Variants in ERCC4 observed in about 807,000 individuals in gnomAD.
The protein encoded by ERCC4 is ERCC excision repair 4, endonuclease catalytic subunit.
A neutral mutation model predicts 76.9 loss-of-function variants in ERCC4; 65 were observed. The ratio of observed to expected loss-of-function variants is 0.84; its 90% CI spans 0.69 to 1.04. The LOEUF (loss-of-function observed/expected upper bound fraction) is 1.04. Ranked by LOEUF, ERCC4 falls within the 50% of genes least tolerant of loss-of-function variation. The probability of loss-of-function intolerance (pLI) is 0.00; values close to 1 mark genes in which losing one functional copy is unlikely to be tolerated. For synonymous variants in ERCC4, 463 were observed against 410.1 expected (o/e 1.13, Z -1.56); for missense variants, 1,214 against 1,128.2 (o/e 1.08, Z -1.09).
intron 4 of ERCC4, among the ~76,000 whole-genome samples, chr16:13,929,826 G>C (rs568425945): frequency 6.6e-6 from 1 of 152,258 alleles, no homozygotes; most frequent in Admixed American, 6.5e-5. Flanking sequence ...TGAGCTGGGC[G>C]TGGTGGCAAC....
In ERCC4 at chr16:13,935,515, A is replaced by G; in HGVS notation, c.1583A>G (p.Glu528Gly). The G allele has an allele frequency of 1.2e-6, 2 of 1,614,204 alleles. No homozygotes were observed. The highest frequency in any genetic ancestry group is 1.7e-6 in the Non-Finnish European group (2 of 1,180,024). ...AGTAGCCCAGAAAGCTGCCCGGAAG[A>G]AATTAAGCATGAAGAATTTGATGTA... ...ISSSPESCPE[E>G]IKHEEFDVNL... The change falls in exon 8 of 11, where the codon GAA (glutamate) becomes GGA (glycine). Residue 528 changes from glutamate to glycine, a missense_variant. Physicochemically the swap from Glu to Gly is moderately conservative, Grantham distance 98. Coordinates refer to ENST00000311895, the MANE Select transcript of ERCC4 (RefSeq NM_005236.3).
At chr16:13,926,892 T>G (rs1480253894) in intron 3 of ERCC4, 136 bp downstream of exon 3, 4 of 721,162 alleles carry the variant, frequency 5.5e-6, no homozygotes, top group Non-Finnish European at 9.5e-6. Context: ...ACCTAGTCAG[T>G]TTTATAACAA....
At position 13,944,482 on chromosome 16, in the gene ERCC4, T is replaced by C. The variant is rs3136205; in HGVS notation, c.1905-241T>C. On this transcript the variant is annotated intron_variant, in intron 9 of 10. Transcript: ENST00000311895. Reference sequence around the variant, plus strand: ...ATAAAGTCAAAATAAACAACTGCTTTTTTTACTCTGGAAAATCAAGAAGTA... The same window carrying C: ...ATAAAGTCAAAATAAACAACTGCTTCTTTTACTCTGGAAAATCAAGAAGTA... Among the ~76,000 whole-genome samples the C allele has an allele frequency of 0.037, 5,541 of 151,418 alleles. 332 individuals are homozygous for C. Among genetic ancestry groups the C allele is most frequent in the African/African-American group, 0.13 (5,165 of 40,680 alleles).
chr16:13,948,028 A>C lies in ERCC4; in HGVS notation c.2432A>C (p.Glu811Ala), dbSNP rs1394330909. ...TGCCCCTCTCCTCATGCAACGGCGG[A>C]GTTGTTTGAGGAGCTGAAACAAAGC... ...LWCPSPHATA[E>A]LFEELKQSKP... The change falls in exon 11 of 11, where the codon GAG (glutamate) becomes GCG (alanine). Residue 811 changes from glutamate to alanine, a missense_variant. Coordinates refer to ENST00000311895, the MANE Select transcript of ERCC4 (RefSeq NM_005236.3). The C allele has an allele frequency of 1.2e-6, 2 of 1,614,104 alleles. No homozygotes were observed. The highest frequency in any genetic ancestry group is 4.5e-5 in the East Asian group (2 of 44,876).
Position 13,930,841 on chromosome 16 carries a change from T to A in ERCC4, c.924T>A (p.Asn308Lys). ...LSQYDCVTFL[N>K]LLESLRATEK... The stretch of plus-strand genomic sequence containing the variant: ...AGTATGATTGTGTCACATTTCTTAA[T>A]CTTCTGGAATCTCTGAGAGCAACGG... Residue 308 changes from asparagine (N) to lysine (K), a missense_variant, in exon 5 of 11, where the codon AAT becomes AAA. Asn to Lys is a moderately conservative substitution (Grantham distance 94). Coordinates refer to ENST00000311895, the MANE Select transcript of ERCC4 (RefSeq NM_005236.3). 1 of 1,613,730 alleles carries A rather than the reference T, an allele frequency of 6.2e-7. No homozygotes were observed. Among genetic ancestry groups the A allele is most frequent in the Non-Finnish European group, 8.5e-7 (1 of 1,179,632 alleles).
chr16:13,939,448 T>C (rs3136177), intron 9 of ERCC4, among the ~76,000 whole-genome samples: 5,520 of 152,026 alleles, frequency 0.036, 328 homozygotes, highest in African/African-American at 0.12. Context: ...GAGGGTGTAA[T>C]AGGAGAGTAC....
chr16:13,925,758 C>A (rs1231881145), intron 2 of ERCC4, among the ~76,000 whole-genome samples: 1 of 152,122 alleles, frequency 6.6e-6, no homozygotes, highest in Non-Finnish European at 1.5e-5. Flanking sequence ...TGGTTTTGAT[C>A]TAGAAAGCAT....
chr16:13,935,335 G>C lies in ERCC4; in HGVS notation c.1403G>C (p.Arg468Thr), dbSNP rs769985983. Reference sequence around the variant, plus strand: ...AAGAGAATTAGGAAATCTCACAAAAGACCTAAAGACCCCCAAAACAAAGAA... The same window carrying C: ...AAGAGAATTAGGAAATCTCACAAAACACCTAAAGACCCCCAAAACAAAGAA... ...SSKRIRKSHKRPKDPQNKERA... is the reference protein window; with the variant it reads ...SSKRIRKSHKTPKDPQNKERA... Residue 468 changes from arginine (R) to threonine (T), a missense_variant, in exon 8 of 11, where the codon AGA (arginine) becomes ACA (threonine). Transcript: ENST00000311895. 6.2e-7 allele frequency: 1 copy of C among 1,611,848 alleles called. No individual in the cohort carries two copies. The highest frequency in any genetic ancestry group is 1.1e-5 in the South Asian group (1 of 90,530).
rs1298488189 is a variant in ERCC4, at chr16:13,935,268, G to T, written c.1336G>T (p.Ala446Ser). Reference sequence around the variant, plus strand: ...GAAAACCTTTGAGAAGGATAGCAAAGCTGAAGAAGTCTGGATGAAATTTAG... The same window carrying T: ...GAAAACCTTTGAGAAGGATAGCAAATCTGAAGAAGTCTGGATGAAATTTAG... Reference protein sequence around the residue: ...YRKTFEKDSKAEEVWMKFRKE... With the variant: ...YRKTFEKDSKSEEVWMKFRKE... The change falls in exon 8 of 11, where the codon GCT becomes TCT. Residue 446 changes from alanine (A) to serine (S), a missense_variant. Coordinates refer to ENST00000311895, the MANE Select transcript of ERCC4 (RefSeq NM_005236.3). 21 of 1,613,964 alleles carry T rather than the reference G, an allele frequency of 1.3e-5. No homozygotes were observed. Among genetic ancestry groups the T allele is most frequent in the Non-Finnish European group, 1.8e-5 (21 of 1,180,014 alleles).
At chr16:13,937,285 G>A (rs1031804082) in intron 8 of ERCC4, among the ~76,000 whole-genome samples, 6 of 151,884 alleles carry the variant, frequency 4.0e-5, no homozygotes, top group Admixed American at 2.0e-4. Flanking sequence ...TAATCCATAC[G>A]TCTTCCATGC....
intron 1 of ERCC4, among the ~76,000 whole-genome samples, chr16:13,921,126 G>A (rs2031966710): frequency 6.6e-6 from 1 of 151,804 alleles, no homozygotes; most frequent in African/African-American, 2.4e-5. Context: ...GAAGATCTCT[G>A]AGGGTGATGG....
chr16:13,950,065 G>C lies in ERCC4; in HGVS notation c.*1718G>C, dbSNP rs1215068756. 5.2e-6 allele frequency: 1 copy of C among 194,022 alleles called. No homozygotes were observed. The highest frequency in any genetic ancestry group is 8.2e-5 in the East Asian group (1 of 12,166). 12.0% of individuals were successfully genotyped at this position (194,022 alleles called of 1,614,324 possible). A position where few individuals can be genotyped will look rare whatever the true frequency, so the allele number is the denominator to read the frequency against. ...CAACCTCGCCTGCTGGGTTCAAGCAGTTCTCCCACCTCAGCCTCCCAAGTA... is the reference window on the plus strand; with the variant it reads ...CAACCTCGCCTGCTGGGTTCAAGCACTTCTCCCACCTCAGCCTCCCAAGTA... On this transcript the variant is annotated 3_prime_UTR_variant, in exon 11 of 11. Coordinates refer to ENST00000311895, the MANE Select transcript of ERCC4 (RefSeq NM_005236.3).
intron 9 of ERCC4, among the ~76,000 whole-genome samples, chr16:13,942,315 C>G (rs1022174431): frequency 3.9e-5 from 6 of 152,072 alleles, no homozygotes; most frequent in Non-Finnish European, 7.4e-5. Flanking sequence ...GGTTTCATCT[C>G]GAATATATTT....
intron 9 of ERCC4, among the ~76,000 whole-genome samples, chr16:13,942,000 C>G (rs568672101): frequency 3.1e-4 from 47 of 152,312 alleles, no homozygotes; most frequent in African/African-American, 1.1e-3. Context: ...GAGAGGATCA[C>G]TTGAGCCCAG....
chr16:13,933,976 G>T (rs2032233339), intron 6 of ERCC4: 1 of 477,918 alleles, frequency 2.1e-6, no homozygotes. Context: ...TTCTACCAAG[G>T]CATTTTGAAA....
intron 9 of ERCC4, among the ~76,000 whole-genome samples, chr16:13,940,323 G>A (rs1231602902): frequency 6.6e-6 from 1 of 152,016 alleles, no homozygotes; most frequent in Non-Finnish European, 1.5e-5. Context: ...AGGAGGTGGA[G>A]GTTGCAGTGA....
At chr16:13,932,101 C>CTGT in intron 5 of ERCC4, 56 bp from the exon 6 acceptor site, 1 of 1,474,020 alleles carries the variant, frequency 6.8e-7, no homozygotes, top group Non-Finnish European at 9.5e-7. Context: ...CCATCAGAGA[C>CTGT]TGTTTTAAAT....
chr16:13,934,104 C>T, intron 6 of ERCC4, 88 bp from the exon 7 acceptor site: 2 of 796,120 alleles, frequency 2.5e-6, no homozygotes, highest in South Asian at 3.0e-5. Context: ...TGTACTGATG[C>T]TCGTGTTATC....
chr16:13,940,379 C>G (rs1278827278), intron 9 of ERCC4, among the ~76,000 whole-genome samples: 1 of 150,880 alleles, frequency 6.6e-6, no homozygotes, highest in African/African-American at 2.4e-5. Flanking sequence ...CCGAGTGACC[C>G]CCGTCTCAAA....
Sources: allele counts gnomAD v4.1 joint callset (sites outside exome capture counted in the v4.1 genomes callset), GRCh38; gene constraint gnomAD v4.1.1; transcripts MANE v1.5; gene names NCBI Gene and HGNC (gene_info 2026-07-23, HGNC 2026-07-21).